Variants in SLC4A7 observed in about 807,000 individuals in gnomAD.
SLC4A7 encodes solute carrier family 4 member 7.
Under a neutral mutation model 137.6 loss-of-function variants are expected in SLC4A7, and 51 were observed. The observed-to-expected ratio is 0.37, with a 90% CI of 0.30 to 0.47. SLC4A7 has a LOEUF of 0.47. SLC4A7 is among the 20% of genes least tolerant of loss of function. The pLI, the probability that SLC4A7 is intolerant of heterozygous loss-of-function variation, is 1.00. For missense variants in SLC4A7, 1,247 were observed against 1,525.4 expected (o/e 0.82, Z 3.04); for synonymous variants, 542 against 518.6 (o/e 1.05, Z -0.61).
chr3:27,391,341 T>C (rs1174384497), intron 21 of SLC4A7, among the ~76,000 whole-genome samples: 2 of 152,250 alleles, frequency 1.3e-5, no homozygotes, highest in South Asian at 2.1e-4. Context: ...ATGATGTATA[T>C]GCTAGGCTTC....
intron 3 of SLC4A7, among the ~76,000 whole-genome samples, chr3:27,446,174 TTTTA>T (rs2057620224): frequency 6.6e-6 from 1 of 151,174 alleles, no homozygotes; most frequent in Non-Finnish European, 1.5e-5. Context: ...TGTATACAAA[TTTTA>T]TTTGTTAATT....
At position 27,398,332 on chromosome 3, in the gene SLC4A7, C is replaced by A; in HGVS notation, c.2449G>T (p.Val817Leu). The change falls in exon 17 of 26, where the codon GTA (valine) becomes TTA (leucine). Residue 817 changes from valine (V) to leucine (L), a missense_variant. Around this residue, in one of 6 missense-constraint regions of SLC4A7, gnomAD observed 499 missense variants for 664.2 expected, o/e 0.75. Coordinates refer to ENST00000454389, the MANE Select transcript of SLC4A7 (RefSeq NM_001321103.2). The stretch of plus-strand genomic sequence containing the variant: ...TGACCACAAGCTGACCCCAAGAATA[C>A]ACCACGAAGTTTTTTACATTCCTGG... ...TVSECKKLRG[V>L]FLGSACGHHG... 6.2e-7 allele frequency: 1 copy of A among 1,601,276 alleles called. No individual in the cohort carries two copies. Among genetic ancestry groups the A allele is most frequent in the South Asian group, 1.1e-5 (1 of 88,318 alleles).
In SLC4A7 at chr3:27,373,819, C is replaced by G. The variant is rs1409158555; in HGVS notation, c.*2945G>C. 4.6e-5 allele frequency: 7 copies of G among 152,530 alleles called. No homozygotes were observed. Among genetic ancestry groups the G allele is most frequent in the Admixed American group, 6.5e-5 (1 of 15,278 alleles). The allele number at this position is 152,530 out of a possible 1,614,324, so 9.4% of individuals were successfully genotyped here. On this transcript the variant is annotated 3_prime_UTR_variant, in exon 26 of 26. Coordinates refer to ENST00000454389, the MANE Select transcript of SLC4A7 (RefSeq NM_001321103.2). The stretch of plus-strand genomic sequence containing the variant: ...AGTTAATTTTGAGTGGTAAACAAAT[C>G]TGGTTTACAAATACATGCATTAGCA...
chr3:27,484,199 T>C lies in SLC4A7; in HGVS notation c.-73A>G. 6.0e-6 allele frequency: 7 copies of C among 1,163,620 alleles called. No homozygotes were observed. Among genetic ancestry groups the C allele is most frequent in the Non-Finnish European group, 7.6e-6 (7 of 924,894 alleles). 72.1% of individuals were successfully genotyped at this position (1,163,620 alleles called of 1,614,324 possible). ...GTCTGCCTGCTTCTGCCGCTGCCCC[T>C]GCCGCCGCCGCCGAGCCCCCGGCGC... On this transcript the variant is annotated 5_prime_UTR_variant, in exon 1 of 26. Coordinates refer to ENST00000454389, the MANE Select transcript of SLC4A7 (RefSeq NM_001321103.2).
Position 27,431,629 on chromosome 3 carries a change from AC to A in SLC4A7, c.818del (p.Gly273ValfsTer9). On this transcript the variant is annotated frameshift_variant, in exon 7 of 26. Transcript: ENST00000454389. LOFTEE classifies it high-confidence loss of function. ...TCAAGGAAAGGTTTGAGGCAGACAG[AC>A]CTGTTCGCAAAGAGTGGCGGGAGGC... ...LSASRHSLRT[G>X]LSASNLSLRG... 6.2e-7 allele frequency: 1 copy of A among 1,605,276 alleles called. No individual in the cohort carries two copies. The highest frequency in any genetic ancestry group is 8.5e-7 in the Non-Finnish European group (1 of 1,176,050).
intron 18 of SLC4A7, 119 bp from the exon 19 acceptor site, chr3:27,395,234 T>C (rs1034207540): frequency 4.9e-6 from 3 of 614,406 alleles, no homozygotes; most frequent in Non-Finnish European, 8.0e-6. Context: ...AACTTAAATC[T>C]TGAACTACAT....
intron 25 of SLC4A7, among the ~76,000 whole-genome samples, chr3:27,377,581 T>C (rs1211628783): frequency 2.0e-5 from 3 of 152,042 alleles, no homozygotes; most frequent in African/African-American, 2.4e-5. Context: ...TTAGTAGAGA[T>C]GGGGTTTCAC....
At chr3:27,481,488 T>TG (rs569611353) in intron 1 of SLC4A7, among the ~76,000 whole-genome samples, 75 of 152,246 alleles carry the variant, frequency 4.9e-4, no homozygotes, top group Non-Finnish European at 9.4e-4. Context: ...AGCAGTCTGC[T>TG]GCGAGTTAGA....
intron 23 of SLC4A7, among the ~76,000 whole-genome samples, chr3:27,384,943 A>C (rs2050787381): frequency 6.6e-6 from 1 of 152,154 alleles, no homozygotes; most frequent in Non-Finnish European, 1.5e-5. Flanking sequence ...TCCATCTCAG[A>C]AGAAAAAAAC....
At chr3:27,392,970 AAGG>A (rs1215141307) in intron 20 of SLC4A7, among the ~76,000 whole-genome samples, 1 of 152,202 alleles carries the variant, frequency 6.6e-6, no homozygotes, top group Non-Finnish European at 1.5e-5. Flanking sequence ...GATATGAAAA[AAGG>A]AGAAAATTTT....
At chr3:27,386,062 A>C (rs2050911189) in intron 22 of SLC4A7, 39 bp from the exon 23 acceptor site, 1 of 1,502,456 alleles carries the variant, frequency 6.7e-7, no homozygotes, top group South Asian at 1.3e-5. Flanking sequence ...GTAACACATA[A>C]TACAAACTGT....
At position 27,376,727 on chromosome 3, in the gene SLC4A7, G is replaced by A; in HGVS notation, c.*37C>T. The A allele has an allele frequency of 8.8e-7, 1 of 1,132,904 alleles. No homozygotes were observed. Among genetic ancestry groups the A allele is most frequent in the Non-Finnish European group, 1.3e-6 (1 of 747,366 alleles). The allele number at this position is 1,132,904 out of a possible 1,614,324, so 70.2% of individuals were successfully genotyped here. On this transcript the variant is annotated 3_prime_UTR_variant, in exon 26 of 26. Transcript: ENST00000454389. ...GACATGATACGCACACATTACATAT[G>A]TATATATCTATATGTATAATGCCTC... is the stretch of plus-strand genomic sequence containing the variant.
chr3:27,433,819 G>C, intron 6 of SLC4A7, 97 bp downstream of exon 6: 1 of 1,014,066 alleles, frequency 9.9e-7, no homozygotes, highest in South Asian at 1.3e-5. Context: ...GGTAGGTATA[G>C]TGAGTGTTTA....
intron 8 of SLC4A7, chr3:27,423,758 G>A (rs1159326773): frequency 7.0e-6 from 2 of 285,216 alleles, no homozygotes; most frequent in Non-Finnish European, 1.3e-5. Flanking sequence ...CGATATCTAT[G>A]GGTAGGTATG....
intron 24 of SLC4A7, 94 bp from the exon 25 acceptor site, chr3:27,379,450 GA>G (rs1331772128): frequency 1.6e-6 from 1 of 632,120 alleles, no homozygotes; most frequent in East Asian, 2.8e-5. Context: ...ACTAAATTGA[GA>G]AAACCTTTGC....
intron 1 of SLC4A7, chr3:27,456,561 A>G: frequency 1.1e-6 from 1 of 906,716 alleles, no homozygotes; most frequent in South Asian, 1.3e-5. Context: ...AGCCAGTGCT[A>G]ATAAGCCTGA....
At position 27,391,796 on chromosome 3, in the gene SLC4A7, G is replaced by T. The variant is rs560987151; in HGVS notation, c.3130C>A (p.Pro1044Thr). 1 of 1,589,848 alleles carries T rather than the reference G, an allele frequency of 6.3e-7. No individual in the cohort carries two copies. The highest frequency in any genetic ancestry group is 1.1e-5 in the South Asian group (1 of 88,338). ...MTSVLKFIPMPVLYGVFLYMG... is the reference protein window; with the variant it reads ...MTSVLKFIPMTVLYGVFLYMG... Reference sequence around the variant, plus strand: ...TAAAGGAAAACACCATACAGAACAGGCATTGGAATAAACTGTAAATAAAAT... The same window carrying T: ...TAAAGGAAAACACCATACAGAACAGTCATTGGAATAAACTGTAAATAAAAT... The change falls in exon 21 of 26, where the codon CCT becomes ACT. Residue 1044 changes from proline to threonine, a missense_variant. This residue lies in a region of SLC4A7 where 290 missense variants were observed against 323.8 expected (regional missense o/e 0.90). Coordinates refer to ENST00000454389, the MANE Select transcript of SLC4A7 (RefSeq NM_001321103.2).
chr3:27,398,460 A>G, intron 16 of SLC4A7, 107 bp from the exon 17 acceptor site: 1 of 872,688 alleles, frequency 1.1e-6, no homozygotes, highest in East Asian at 2.5e-5. Context: ...AAGAGGCACC[A>G]TTACTTTGTA....
At chr3:27,408,877 A>G (rs962882879) in intron 13 of SLC4A7, among the ~76,000 whole-genome samples, 1 of 152,228 alleles carries the variant, frequency 6.6e-6, no homozygotes. Context: ...TCAAAAAGCC[A>G]CAGTTTCCAT....
Sources: allele counts gnomAD v4.1 joint callset (sites outside exome capture counted in the v4.1 genomes callset), GRCh38; gene constraint gnomAD v4.1.1; regional missense constraint gnomAD v4.1.1; transcripts MANE v1.5; gene names NCBI Gene and HGNC (gene_info 2026-07-23, HGNC 2026-07-21).